PKD2L2: variants seen among roughly 807,000 people sequenced by gnomAD.
PKD2L2 encodes the protein polycystin 2 like 2, transient receptor potential cation channel.
In PKD2L2, 67 loss-of-function variants were observed where a neutral mutation model predicts 83.9. The ratio of observed to expected loss-of-function variants is 0.80; its 90% CI spans 0.66 to 0.98. PKD2L2 has a LOEUF of 0.98. Among genes scored for constraint, PKD2L2 ranks in the 50% least tolerant of loss-of-function variants. The probability of loss-of-function intolerance (pLI) is 0.00; values close to 1 mark genes in which losing one functional copy is unlikely to be tolerated. For synonymous variants in PKD2L2, 223 were observed against 237.8 expected, an observed-to-expected ratio of 0.94 and a Z score of 0.57; for missense variants, 632 against 717.2, an observed-to-expected ratio of 0.88 and a Z score of 1.36.
At chr5:137,937,819 C>T (rs748924931) in intron 14 of PKD2L2, 2 of 152,052 alleles carry the variant, frequency 1.3e-5, no homozygotes, top group Admixed American at 1.3e-4. Flanking sequence ...TTGTAGCCAG[C>T]CAAATAGTTT....
chr5:137,935,090 A>G (rs1223067372), intron 12 of PKD2L2, among the ~76,000 whole-genome samples: 1 of 152,216 alleles, frequency 6.6e-6, no homozygotes, highest in Non-Finnish European at 1.5e-5. Context: ...AGTATCATAC[A>G]AATTTACTGA....
At chr5:137,910,247 AAT>A (rs758699399) in intron 8 of PKD2L2, among the ~76,000 whole-genome samples, 1 of 146,602 alleles carries the variant, frequency 6.8e-6, no homozygotes, top group African/African-American at 2.5e-5. Flanking sequence ...TAATAATAAT[AAT>A]AATAATAATA....
intron 6 of PKD2L2, 40 bp from the exon 7 acceptor site, chr5:137,907,702 A>G (rs1757475748): frequency 7.4e-6 from 9 of 1,213,908 alleles, no homozygotes; most frequent in Non-Finnish European, 1.0e-5. Flanking sequence ...TTAGAGGTAG[A>G]GATATTCTCT....
At chr5:137,929,429 C>T (rs1759651966) in intron 12 of PKD2L2, among the ~76,000 whole-genome samples, 1 of 150,232 alleles carries the variant, frequency 6.7e-6, no homozygotes, top group African/African-American at 2.4e-5. Context: ...TCATTGCACT[C>T]CAGCCTCGGT....
Position 137,890,533 on chromosome 5 carries a change from A to G in PKD2L2, c.84A>G (p.Thr28=), listed in dbSNP as rs1036130294. Residue 28 remains threonine, a synonymous_variant, in exon 2 of 15, where the codon ACA becomes ACG. Transcript: ENST00000508883. The part of the protein sequence containing the change: ...HYRKEVEITT[T]LQELLLYFIF... ...GAAAGGAAGTAGAAATTACAACCAC[A>G]CTTCAGGAATTGTTACTCTACTTTA... 3.2e-6 allele frequency: 5 copies of G among 1,585,662 alleles called. No homozygotes were observed. The highest frequency in any genetic ancestry group is 4.3e-6 in the Non-Finnish European group (5 of 1,163,134).
In PKD2L2 at chr5:137,921,695, A is replaced by G. The variant is rs199866704; in HGVS notation, c.1388A>G (p.Asn463Ser). Residue 463 changes from asparagine to serine, a missense_variant, in exon 9 of 15, where the codon AAT becomes AGT. Around this residue, in one of 3 missense-constraint regions of PKD2L2, gnomAD observed 399 missense variants for 416.9 expected, o/e 0.96. Transcript: ENST00000508883. ...DFNFAGIQQANPILGPIYFIT... is the reference protein window; with the variant it reads ...DFNFAGIQQASPILGPIYFIT... ...AATTTTGCTGGTATTCAGCAAGCCA[A>G]TCCTATCTTGGGACCCATTTACTTC... 5.9e-4 allele frequency: 944 copies of G among 1,608,764 alleles called. 2 individuals carry two copies. The highest frequency in any genetic ancestry group is 7.4e-4 in the Non-Finnish European group (874 of 1,176,418).
intron 12 of PKD2L2, among the ~76,000 whole-genome samples, chr5:137,928,084 T>C (rs1024016059): frequency 2.0e-5 from 3 of 152,152 alleles, no homozygotes; most frequent in African/African-American, 7.2e-5. Context: ...CATTCAACCA[T>C]AAATCAACAG....
chr5:137,921,362 G>A (rs77069754), intron 8 of PKD2L2, among the ~76,000 whole-genome samples: 246 of 144,708 alleles, frequency 1.7e-3, no homozygotes, highest in East Asian at 2.7e-3. Flanking sequence ...CTGTCTCAAA[G>A]AAAAAAAAAA....
chr5:137,894,660 T>C (rs1268380476), intron 4 of PKD2L2, 51 bp downstream of exon 4: 1 of 1,421,286 alleles, frequency 7.0e-7, no homozygotes, highest in Admixed American at 1.8e-5. Context: ...TACTGTTGTA[T>C]CTTTTAGATA....
At chr5:137,890,254 G>A (rs1755840127) in intron 1 of PKD2L2, 1 of 347,358 alleles carries the variant, frequency 2.9e-6, no homozygotes, top group Non-Finnish European at 5.2e-6. Context: ...CTGAACTCCA[G>A]CCTGGCGACA....
chr5:137,925,176 T>C, intron 11 of PKD2L2, 72 bp downstream of exon 11: 1 of 963,300 alleles, frequency 1.0e-6, no homozygotes, highest in Non-Finnish European at 1.6e-6. Flanking sequence ...CTTATAAGGT[T>C]TTTTTTGTTT....
Position 137,927,799 on chromosome 5 carries a change from C to A in PKD2L2, c.1671+1870C>A, listed in dbSNP as rs553904947. 2.6e-5 allele frequency among the ~76,000 whole-genome samples: 4 copies of A among 152,088 alleles called. 1 individual carries two copies. The South Asian group carries it at 8.3e-4, about 32-fold the overall frequency. ...ATAATTTTTGTATTTTTAGTAGAGA[C>A]CAGGTTTCACTACGTTGGCCAGGCT... On this transcript the variant is annotated intron_variant, in intron 12 of 14. Coordinates refer to ENST00000508883, the MANE Select transcript of PKD2L2 (RefSeq NM_001300921.2).
chr5:137,942,723 A>C lies in PKD2L2; in HGVS notation c.*357A>C. On this transcript the variant is annotated 3_prime_UTR_variant, in exon 15 of 15. Transcript: ENST00000508883. Reference sequence around the variant, plus strand: ...TTATTTAAAAATGGGAATGACAATAAATATTTGCAAATCACACTTGAAAAG... The same window carrying C: ...TTATTTAAAAATGGGAATGACAATACATATTTGCAAATCACACTTGAAAAG... 1 of 617,210 alleles carries C rather than the reference A, an allele frequency of 1.6e-6. No individual in the cohort carries two copies. Among genetic ancestry groups the C allele is most frequent in the Non-Finnish European group, 2.6e-6 (1 of 380,236 alleles). The allele number at this position is 617,210 out of a possible 1,614,324, so 38.2% of individuals were successfully genotyped here.
intron 5 of PKD2L2, among the ~76,000 whole-genome samples, chr5:137,902,636 A>G (rs1339392955): frequency 2.6e-5 from 4 of 152,128 alleles, no homozygotes; most frequent in African/African-American, 7.2e-5. Flanking sequence ...GAGGTGACCT[A>G]AGGTAACCCA....
intron 8 of PKD2L2, among the ~76,000 whole-genome samples, chr5:137,910,449 T>C (rs1387047986): frequency 2.0e-5 from 3 of 151,746 alleles, no homozygotes; most frequent in Non-Finnish European, 4.4e-5. Flanking sequence ...GTTAGGTTAT[T>C]CAGATCAATC....
At position 137,899,714 on chromosome 5, in the gene PKD2L2, T is replaced by C; in HGVS notation, c.723T>C (p.Asn241=). Residue 241 remains asparagine (N), a synonymous_variant, in exon 5 of 15, where the codon AAT becomes AAC. Transcript: ENST00000508883. ...IFIDFSLYNA[N]VNLFCIIRLV... Reference sequence around the variant, plus strand: ...TTGATTTTTCCTTATATAATGCTAATGTAAATCTATTTTGTATTATCAGGT... The same window carrying C: ...TTGATTTTTCCTTATATAATGCTAACGTAAATCTATTTTGTATTATCAGGT... The C allele has an allele frequency of 6.2e-7, 1 of 1,602,746 alleles. No individual in the cohort carries two copies.
intron 9 of PKD2L2, 21 bp downstream of exon 9, chr5:137,921,777 T>C: frequency 6.6e-7 from 1 of 1,526,036 alleles, no homozygotes; most frequent in Non-Finnish European, 8.9e-7. Context: ...TACATATTCC[T>C]TTCATTTCTT....
rs1322204508 is a variant in PKD2L2 at position 137,924,939 on chromosome 5, T to C, written c.1552-101T>C. The C allele has an allele frequency of 5.4e-6, 4 of 735,992 alleles. No homozygotes were observed. The African/African-American group carries it at 7.1e-5, about 13-fold the overall frequency. The allele number at this position is 735,992 out of a possible 1,614,324, so 45.6% of individuals were successfully genotyped here. ...CCTCCACAGTCCTTTAGGGTAGCAA[T>C]CCAGAGGGACAAGCATTCCATATTT... On this transcript the variant is annotated intron_variant, in intron 10 of 14. Transcript: ENST00000508883.
At chr5:137,922,225 T>C (rs950465768) in intron 9 of PKD2L2, among the ~76,000 whole-genome samples, 1 of 152,244 alleles carries the variant, frequency 6.6e-6, no homozygotes, top group Non-Finnish European at 1.5e-5. Context: ...TAAGGCACTG[T>C]ACTGTCCTCC....
Sources: allele counts gnomAD v4.1 joint callset (sites outside exome capture counted in the v4.1 genomes callset), GRCh38; gene constraint gnomAD v4.1.1; regional missense constraint gnomAD v4.1.1; transcripts MANE v1.5; gene names NCBI Gene and HGNC (gene_info 2026-07-23, HGNC 2026-07-21).